PPP2R5A: variants seen among roughly 807,000 people sequenced by gnomAD.
The protein encoded by PPP2R5A is protein phosphatase 2 regulatory subunit B'alpha, also known as serine/threonine-protein phosphatase 2A 56 kDa regulatory subunit alpha isoform.
In PPP2R5A, 25 loss-of-function variants were observed where a neutral mutation model predicts 64.2. The observed-to-expected ratio is 0.39, with a 90% CI of 0.28 to 0.54. PPP2R5A has a LOEUF of 0.54. Ranked by LOEUF, PPP2R5A falls within the 20% of genes least tolerant of loss-of-function variation. The pLI, the probability that PPP2R5A is intolerant of heterozygous loss-of-function variation, is 0.67. For synonymous variants in PPP2R5A, 198 were observed against 201.2 expected, an observed-to-expected ratio of 0.98 and a Z score of 0.13; for missense variants, 425 against 576.3, an observed-to-expected ratio of 0.74 and a Z score of 2.69.
At chr1:212,348,330 AG>A in intron 6 of PPP2R5A, 58 bp from the exon 7 acceptor site, 1 of 1,075,942 alleles carries the variant, frequency 9.3e-7, no homozygotes, top group Non-Finnish European at 1.4e-6. Context: ...TGGATATGAC[AG>A]CTTTTAGAAA....
intron 1 of PPP2R5A, among the ~76,000 whole-genome samples, chr1:212,320,928 C>T (rs1439761485): frequency 3.7e-5 from 4 of 108,134 alleles, no homozygotes; most frequent in Non-Finnish European, 8.1e-5. Flanking sequence ...GGCGGCTGGC[C>T]GGGCGGGGGG....
intron 1 of PPP2R5A, among the ~76,000 whole-genome samples, chr1:212,296,253 T>C (rs527944354): frequency 6.6e-6 from 1 of 151,322 alleles, no homozygotes; most frequent in African/African-American, 2.4e-5. Flanking sequence ...AGAGGGAAAA[T>C]CCAGAGTTGT....
Position 212,359,711 on chromosome 1 carries a change from A to G in PPP2R5A, c.1328+924A>G, listed in dbSNP as rs558490868. Among the ~76,000 whole-genome samples the G allele has an allele frequency of 3.3e-5, 5 of 152,316 alleles. No homozygotes were observed. In the South Asian group the frequency reaches 1.0e-3, roughly 32 times the overall value. On this transcript the variant is annotated intron_variant, in intron 12 of 12. Coordinates refer to ENST00000261461, the MANE Select transcript of PPP2R5A (RefSeq NM_006243.4). ...AGTTATGGTTATCTTAAAGTAGAAA[A>G]TGGATAGCCTTTCTTCAAAGCCATC...
intron 8 of PPP2R5A, among the ~76,000 whole-genome samples, chr1:212,351,496 C>T (rs1486778705): frequency 1.3e-5 from 2 of 152,074 alleles, no homozygotes; most frequent in East Asian, 1.9e-4. Flanking sequence ...GGCAGATCAC[C>T]TGAGATCAGG....
intron 1 of PPP2R5A, among the ~76,000 whole-genome samples, chr1:212,288,667 A>G (rs568188069): frequency 5.3e-5 from 8 of 152,094 alleles, no homozygotes; most frequent in Admixed American, 1.3e-4. Context: ...GAACTTTGGC[A>G]GTGTACTTGA....
intron 1 of PPP2R5A, among the ~76,000 whole-genome samples, chr1:212,315,080 A>G (rs940304805): frequency 6.6e-6 from 1 of 152,212 alleles, no homozygotes; most frequent in African/African-American, 2.4e-5. Flanking sequence ...CCCAGGCATC[A>G]TTATGCTTAT....
At chr1:212,290,869 C>T (rs1266967990) in intron 1 of PPP2R5A, among the ~76,000 whole-genome samples, 5 of 152,168 alleles carry the variant, frequency 3.3e-5, no homozygotes, top group East Asian at 3.8e-4. Context: ...GCCATTTTCA[C>T]CTGCAAGAAT....
chr1:212,313,518 G>C (rs1256918620), intron 1 of PPP2R5A, among the ~76,000 whole-genome samples: 1 of 151,384 alleles, frequency 6.6e-6, no homozygotes, highest in East Asian at 1.9e-4. Context: ...TGATTTGTAG[G>C]TGTTCTTTTG....
intron 8 of PPP2R5A, among the ~76,000 whole-genome samples, chr1:212,351,995 ATTATTTTATTT>A (rs1204172801): frequency 1.3e-5 from 2 of 149,260 alleles, no homozygotes; most frequent in Non-Finnish European, 3.0e-5. Flanking sequence ...ATTTTATTTT[ATTATTTTATTT>A]TTATTTTATT....
intron 1 of PPP2R5A, among the ~76,000 whole-genome samples, chr1:212,293,038 A>G (rs1658630849): frequency 1.3e-5 from 2 of 152,242 alleles, no homozygotes; most frequent in Non-Finnish European, 2.9e-5. Flanking sequence ...ACTAAAAACC[A>G]TGGCTTCAGG....
At chr1:212,289,382 C>A (rs1464339445) in intron 1 of PPP2R5A, among the ~76,000 whole-genome samples, 2 of 152,126 alleles carry the variant, frequency 1.3e-5, no homozygotes, top group Admixed American at 6.5e-5. Flanking sequence ...CATCCCTGAA[C>A]TTTTTGCAAG....
At chr1:212,308,958 T>G (rs1658971978) in intron 1 of PPP2R5A, 2 of 584,340 alleles carry the variant, frequency 3.4e-6, no homozygotes, top group Non-Finnish European at 6.0e-6. Context: ...CTTTATGATA[T>G]TCTCTGTTTG....
Position 212,329,137 on chromosome 1 carries a change from G to T in PPP2R5A, c.184G>T (p.Ala62Ser). The T allele has an allele frequency of 6.7e-7, 1 of 1,496,308 alleles. No homozygotes were observed. Among genetic ancestry groups the T allele is most frequent in the Non-Finnish European group, 8.9e-7 (1 of 1,120,844 alleles). The allele number at this position is 1,496,308 out of a possible 1,614,324, so 92.7% of individuals were successfully genotyped here. A position where few individuals can be genotyped will look rare whatever the true frequency, so the allele number is the denominator to read the frequency against. ...ELHPLPQLKD[A>S]TSNEQQELFC... ...TTTTTCTTTATTTTTATTTATAGAT[G>T]CCACTTCAAATGAACAACAAGAGCT... is the stretch of plus-strand genomic sequence containing the variant. The change falls in exon 2 of 13, where the codon GCC (alanine) becomes TCC (serine). Residue 62 changes from alanine (A) to serine (S), a missense_variant and splice_region_variant. Ala to Ser is a moderately conservative substitution (Grantham distance 99). Around this residue, in one of 4 missense-constraint regions of PPP2R5A, gnomAD observed 104 missense variants for 95.7 expected, o/e 1.09. Transcript: ENST00000261461.
At chr1:212,313,425 G>T (rs1659077014) in intron 1 of PPP2R5A, among the ~76,000 whole-genome samples, 1 of 151,968 alleles carries the variant, frequency 6.6e-6, no homozygotes, top group Admixed American at 6.5e-5. Flanking sequence ...TACCAGTGTG[G>T]TTGAATATCT....
chr1:212,289,394 T>C (rs989170598), intron 1 of PPP2R5A, among the ~76,000 whole-genome samples: 2 of 152,206 alleles, frequency 1.3e-5, no homozygotes, highest in Admixed American at 1.3e-4. Flanking sequence ...TTTTGCAAGG[T>C]CAGTATTCCC....
chr1:212,295,003 A>G (rs181968091), intron 1 of PPP2R5A, among the ~76,000 whole-genome samples: 27 of 152,356 alleles, frequency 1.8e-4, no homozygotes, highest in Non-Finnish European at 3.4e-4. Flanking sequence ...CATAGCTGTG[A>G]TCTAGAATAT....
chr1:212,339,785 A>C (rs912055849), intron 3 of PPP2R5A, among the ~76,000 whole-genome samples: 1 of 152,180 alleles, frequency 6.6e-6, no homozygotes, highest in African/African-American at 2.4e-5. Flanking sequence ...TCTGAAAACT[A>C]TTAAGCCTTA....
chr1:212,317,147 C>G (rs983717913), intron 1 of PPP2R5A, among the ~76,000 whole-genome samples: 2 of 152,206 alleles, frequency 1.3e-5, no homozygotes, highest in East Asian at 3.9e-4. Context: ...TACCACTTCT[C>G]TACCTACTTT....
intron 12 of PPP2R5A, 85 bp downstream of exon 12, chr1:212,358,872 GTTCAGATTTTCA>G: frequency 9.4e-7 from 1 of 1,065,964 alleles, no homozygotes; most frequent in Non-Finnish European, 1.4e-6. Context: ...TCTTCTCTCA[GTTCAGATTTTCA>G]TATTTAAGAA....
Sources: gnomAD v4.1 joint callset for allele counts (sites outside exome capture counted in the v4.1 genomes callset) on GRCh38, gnomAD v4.1.1 for gene constraint, gnomAD v4.1.1 regional missense constraint, MANE v1.5 for transcripts, NCBI Gene and HGNC (gene_info 2026-07-23, HGNC 2026-07-21) for gene names.